TSHZ2: variants seen among roughly 807,000 people sequenced by gnomAD.
TSHZ2 encodes the protein teashirt homolog 2.
Under a neutral mutation model 74.4 loss-of-function variants are expected in TSHZ2, and 21 were observed. The ratio of observed to expected loss-of-function variants is 0.28; its 90% confidence interval spans 0.20 to 0.41. The LOEUF (loss-of-function observed/expected upper bound fraction) is 0.41. Ranked by LOEUF, TSHZ2 falls within the 10% of genes least tolerant of loss-of-function variation. The pLI, the probability that TSHZ2 is intolerant of heterozygous loss-of-function variation, is 1.00. For synonymous variants in TSHZ2, 540 were observed against 515.3 expected (o/e 1.05, Z -0.65); for missense variants, 1,244 against 1,293.5 (o/e 0.96, Z 0.59).
At chr20:53,461,481 T>G (rs1351431685) in intron 2 of TSHZ2, 2 of 153,044 alleles carry the variant, frequency 1.3e-5, no homozygotes, top group Non-Finnish European at 2.9e-5. Context: ...CAGATGGAAA[T>G]GCAGAAATCA....
rs1367602140 is a variant in TSHZ2, at chr20:53,493,181, C to T, written c.*6046C>T. Reference sequence around the variant, plus strand: ...ATATTTGCTTGTTTCTGTTTCCTACCAAACTGGCCCACAATGGGGATTCTT... The same window carrying T: ...ATATTTGCTTGTTTCTGTTTCCTACTAAACTGGCCCACAATGGGGATTCTT... On this transcript the variant is annotated 3_prime_UTR_variant, in exon 3 of 3. Transcript: ENST00000371497. The T allele has an allele frequency of 6.6e-6, 1 of 152,174 alleles. No homozygotes were observed. The highest frequency in any genetic ancestry group is 1.5e-5 in the Non-Finnish European group (1 of 68,020). The allele number at this position is 152,174 out of a possible 1,614,324, so 9.4% of individuals were successfully genotyped here. A position where few individuals can be genotyped will look rare whatever the true frequency, so the allele number is the denominator to read the frequency against.
At chr20:53,188,957 T>C (rs538826856) in intron 1 of TSHZ2, among the ~76,000 whole-genome samples, 1 of 152,196 alleles carries the variant, frequency 6.6e-6, no homozygotes, top group Non-Finnish European at 1.5e-5. Flanking sequence ...ATTTTTCAGA[T>C]GACAGAGATG....
At chr20:53,001,230 G>GTGTGTGTGTGTGTGTGTGTGTGTA (rs1982421472) in intron 1 of TSHZ2, among the ~76,000 whole-genome samples, 8 of 126,210 alleles carry the variant, frequency 6.3e-5, no homozygotes, top group South Asian at 2.4e-4. Context: ...GTGTGTGTGT[G>GTGTGTGTGTGTGTGTGTGTGTGTA]TGTGTGTGTG....
intron 2 of TSHZ2, among the ~76,000 whole-genome samples, chr20:53,340,327 G>A (rs1323648062): frequency 4.6e-5 from 7 of 151,622 alleles, no homozygotes; most frequent in Admixed American, 2.0e-4. Context: ...GACTACAGGC[G>A]CCCGCCACCA....
chr20:53,138,853 T>C (rs1987318466), intron 1 of TSHZ2, among the ~76,000 whole-genome samples: 1 of 152,214 alleles, frequency 6.6e-6, no homozygotes, highest in Admixed American at 6.5e-5. Context: ...TCTCTGTCTC[T>C]ATTGACCAGC....
At chr20:53,044,316 C>T (rs1426371807) in intron 1 of TSHZ2, among the ~76,000 whole-genome samples, 1 of 152,236 alleles carries the variant, frequency 6.6e-6, no homozygotes, top group Non-Finnish European at 1.5e-5. Flanking sequence ...TGACACATAT[C>T]TTCTGTCATA....
intron 1 of TSHZ2, among the ~76,000 whole-genome samples, chr20:53,152,498 T>TCA (rs1987697805): frequency 6.6e-6 from 1 of 152,194 alleles, no homozygotes; most frequent in African/African-American, 2.4e-5. Flanking sequence ...GCTGAATGGC[T>TCA]GTTGCTCTAC....
chr20:53,051,457 GCACACACACACACACACACA>G lies in TSHZ2; in HGVS notation c.40+78143_40+78162del, dbSNP rs11474223. Among the ~76,000 whole-genome samples, 74 of 145,208 alleles carry G rather than the reference GCACACACACACACACACACA, an allele frequency of 5.1e-4. 1 individual carries two copies. The South Asian group carries it at 0.015, about 30-fold the overall frequency. ...CTTATCATATTACTCTGTGGCGCAC[GCACACACACACACACACACA>G]CACACACACACACACACAATTCAGG... On this transcript the variant is annotated intron_variant, in intron 1 of 2. Transcript: ENST00000371497.
chr20:53,097,047 T>C (rs1005995009), intron 1 of TSHZ2, among the ~76,000 whole-genome samples: 4 of 152,162 alleles, frequency 2.6e-5, no homozygotes, highest in African/African-American at 9.7e-5. Flanking sequence ...CTGTGTGTGG[T>C]AGGATGTGTA....
chr20:53,113,351 T>A (rs1004654091), intron 1 of TSHZ2, among the ~76,000 whole-genome samples: 5 of 152,244 alleles, frequency 3.3e-5, no homozygotes, highest in Admixed American at 6.5e-5. Context: ...TGTACTTCGT[T>A]GTTCGTTAGC....
chr20:53,446,410 A>G (rs1239740641), intron 2 of TSHZ2, among the ~76,000 whole-genome samples: 1 of 52,360 alleles, frequency 1.9e-5, no homozygotes, highest in Non-Finnish European at 3.7e-5. Flanking sequence ...AAAAATACAA[A>G]AAAAAAAAAA....
chr20:53,011,544 T>C (rs1002808407), intron 1 of TSHZ2, among the ~76,000 whole-genome samples: 1 of 152,248 alleles, frequency 6.6e-6, no homozygotes, highest in African/African-American at 2.4e-5. Context: ...ATTCAGTTTC[T>C]ATCAGATTGT....
chr20:53,460,989 T>A (rs562598011), intron 2 of TSHZ2, among the ~76,000 whole-genome samples: 1 of 152,342 alleles, frequency 6.6e-6, no homozygotes, highest in African/African-American at 2.4e-5. Flanking sequence ...TACTGCTGTC[T>A]TTTTGTTTGT....
chr20:53,335,326 T>C lies in TSHZ2; in HGVS notation c.*8+78755T>C, dbSNP rs550893532. 1.2e-4 allele frequency among the ~76,000 whole-genome samples: 19 copies of C among 152,272 alleles called. No homozygotes were observed. In the South Asian group the frequency reaches 3.5e-3, roughly 28 times the overall value. On this transcript the variant is annotated intron_variant, in intron 2 of 2. Coordinates refer to ENST00000371497, the MANE Select transcript of TSHZ2 (RefSeq NM_173485.6). ...ACAAAGATGGTCATCATGGAAGTGG[T>C]GAAAGGGCTTGGTTCTGTATGTTTT...
At chr20:53,155,150 C>T (rs954473977) in intron 1 of TSHZ2, among the ~76,000 whole-genome samples, 5 of 147,832 alleles carry the variant, frequency 3.4e-5, no homozygotes, top group South Asian at 2.1e-4. Flanking sequence ...ATGAGGACTG[C>T]GTGGGTAGCT....
rs562452757 is a variant in TSHZ2, at chr20:53,359,186, G to A, written c.*8+102615G>A. 5.9e-5 allele frequency among the ~76,000 whole-genome samples: 9 copies of A among 152,246 alleles called. No homozygotes were observed. The South Asian group carries it at 1.7e-3, about 28-fold the overall frequency. On this transcript the variant is annotated intron_variant, in intron 2 of 2. Transcript: ENST00000371497. ...CTACCAACAACTTTATGAATTAGGAGTTACAAATTTGCTTTTGTAGATAAA... is the reference window on the plus strand; with the variant it reads ...CTACCAACAACTTTATGAATTAGGAATTACAAATTTGCTTTTGTAGATAAA...
chr20:53,180,925 C>T (rs188230910), intron 1 of TSHZ2, among the ~76,000 whole-genome samples: 59 of 152,240 alleles, frequency 3.9e-4, no homozygotes, highest in East Asian at 1.9e-4. Context: ...CTCCTATCCA[C>T]GATCTCATAT....
At chr20:53,197,439 G>A (rs1988900166) in intron 1 of TSHZ2, among the ~76,000 whole-genome samples, 1 of 152,190 alleles carries the variant, frequency 6.6e-6, no homozygotes, top group African/African-American at 2.4e-5. Context: ...GGGGTTTCCT[G>A]TTGGTGACAT....
chr20:53,430,072 C>T (rs998784968), intron 2 of TSHZ2, among the ~76,000 whole-genome samples: 4 of 152,180 alleles, frequency 2.6e-5, no homozygotes, highest in African/African-American at 9.7e-5. Context: ...ATCTATGATT[C>T]TATAGACATT....
Sources: allele counts gnomAD v4.1 joint callset (sites outside exome capture counted in the v4.1 genomes callset), GRCh38; gene constraint gnomAD v4.1.1; transcripts MANE v1.5; gene names NCBI Gene and HGNC (gene_info 2026-07-23, HGNC 2026-07-21).